TDRD1: variants seen among roughly 807,000 people sequenced by gnomAD.
TDRD1 encodes the protein tudor domain containing 1, also known as tudor domain-containing protein 1.
A neutral mutation model predicts 140.6 loss-of-function variants in TDRD1; 37 were observed. The observed-to-expected ratio is 0.26, with a 90% CI of 0.20 to 0.35. The LOEUF (loss-of-function observed/expected upper bound fraction) is 0.35. Ranked by LOEUF, TDRD1 falls within the 10% of genes least tolerant of loss-of-function variation. The probability of loss-of-function intolerance (pLI) is 1.00; values close to 1 mark genes in which losing one functional copy is unlikely to be tolerated. For missense variants in TDRD1, 1,243 were observed against 1,393.0 expected (o/e 0.89, Z 1.71); for synonymous variants, 506 against 475.7 (o/e 1.06, Z -0.83).
chr10:114,178,905 T>C (rs1475962405), upstream of TDRD1, among the ~76,000 whole-genome samples: 2 of 151,792 alleles, frequency 1.3e-5, no homozygotes, highest in Non-Finnish European at 2.9e-5. Flanking sequence ...AGCTTGTCTT[T>C]AAGTAACACC....
At chr10:114,223,569 GCA>G (rs2036271180) in intron 21 of TDRD1, among the ~76,000 whole-genome samples, 1 of 152,174 alleles carries the variant, frequency 6.6e-6, no homozygotes, top group Admixed American at 6.5e-5. Context: ...TGCAGATATT[GCA>G]CACTAGTTTT....
intron 22 of TDRD1, 85 bp downstream of exon 22, chr10:114,226,301 A>T (rs2036433188): frequency 1.1e-6 from 1 of 912,254 alleles, no homozygotes; most frequent in Non-Finnish European, 1.7e-6. Context: ...GTCGGAATCA[A>T]ATGGGTATTT....
In TDRD1 at chr10:114,228,043, A is replaced by T. The variant is rs189188880; in HGVS notation, c.3456A>T (p.Glu1152Asp). 1.5e-4 allele frequency: 241 copies of T among 1,610,256 alleles called. 1 individual carries two copies. In the Admixed American group the frequency reaches 3.8e-3, roughly 26 times the overall value. ...GGTTTCTTTTTCACCCACAGGTTGA[A>T]AAACATGAACATATTCTTCTCTTCC... Residue 1152 changes from glutamate (E) to aspartate (D), a missense_variant, in exon 25 of 26, where the codon GAA becomes GAT. Physicochemically the swap from Glu to Asp is conservative, Grantham distance 45. Coordinates refer to ENST00000251864, the Ensembl canonical transcript of TDRD1.
At chr10:114,215,781 A>G (rs1204276974) in intron 16 of TDRD1, among the ~76,000 whole-genome samples, 1 of 152,192 alleles carries the variant, frequency 6.6e-6, no homozygotes, top group Non-Finnish European at 1.5e-5. Context: ...TAATATAAAA[A>G]TTCTAAAGAT....
At chr10:114,193,174 A>AT (rs1047708500) in intron 3 of TDRD1, among the ~76,000 whole-genome samples, 3 of 149,802 alleles carry the variant, frequency 2.0e-5, no homozygotes, top group African/African-American at 7.4e-5. Context: ...TAAGTATTTG[A>AT]TTTTTTTGAG....
Position 114,218,570 on chromosome 10 carries a change from G to C in TDRD1, c.2480G>C (p.Arg827Pro), listed in dbSNP as rs374288064. 3 of 1,603,370 alleles carry C rather than the reference G, an allele frequency of 1.9e-6. No individual in the cohort carries two copies. In the African/African-American group the frequency reaches 4.0e-5, roughly 22 times the overall value. ...TTAAACCTTCCCTTTCAGGGAATAC[G>C]GTGCCAGTTAGCAGGTATGGTATAC... The change falls in exon 18 of 26, where the codon CGG (arginine) becomes CCG (proline). Residue 827 changes from arginine to proline, a missense_variant. This residue lies in a region of TDRD1 where 601 missense variants were observed against 734.7 expected (regional missense o/e 0.82). Transcript: ENST00000251864.
chr10:114,189,434 C>T (rs902503573), intron 2 of TDRD1, among the ~76,000 whole-genome samples: 3 of 152,136 alleles, frequency 2.0e-5, no homozygotes, highest in African/African-American at 7.2e-5. Context: ...CAAAGTGAGC[C>T]CTTTACTTCA....
chr10:114,199,446 T>C (rs1003219853), intron 4 of TDRD1, 129 bp downstream of exon 4: 2 of 1,079,352 alleles, frequency 1.9e-6, no homozygotes, highest in African/African-American at 3.2e-5. Flanking sequence ...CGTCTCAGCC[T>C]CAGCAGCTGT....
chr10:114,201,271 T>C (rs2034722389), intron 4 of TDRD1, 139 bp from the exon 5 acceptor site: 5 of 656,764 alleles, frequency 7.6e-6, no homozygotes, highest in Middle Eastern at 3.5e-4. Context: ...ATTCTCAGAG[T>C]TTAAAAGTAT....
At chr10:114,204,154 G>A in exon 9 of TDRD1, 1 of 1,600,890 alleles carries the variant, frequency 6.2e-7, no homozygotes, top group South Asian at 1.1e-5. Flanking sequence ...TGGAAATGAA[G>A]AAATAATTCC....
intron 15 of TDRD1, 60 bp downstream of exon 15, chr10:114,213,648 A>G (rs1339635246): frequency 2.7e-5 from 40 of 1,473,924 alleles, no homozygotes; most frequent in Non-Finnish European, 3.2e-5. Context: ...CTATAAATAA[A>G]TAGTTTCTTG....
At chr10:114,205,408 A>G (rs2035034765) in intron 10 of TDRD1, among the ~76,000 whole-genome samples, 2 of 152,220 alleles carry the variant, frequency 1.3e-5, no homozygotes, top group African/African-American at 4.8e-5. Context: ...GAGATCTGGC[A>G]TCATGGCTGA....
At chr10:114,194,758 G>GT (rs11427150) in intron 3 of TDRD1, among the ~76,000 whole-genome samples, 30,874 of 132,726 alleles carry the variant, frequency 0.23, 3,673 homozygotes, top group Middle Eastern at 0.29. Flanking sequence ...TTGGTTGTTG[G>GT]TTTTTTTTTT....
intron 21 of TDRD1, among the ~76,000 whole-genome samples, chr10:114,223,017 T>A (rs1394969192): frequency 6.6e-6 from 1 of 152,194 alleles, no homozygotes; most frequent in Non-Finnish European, 1.5e-5. Context: ...TTGCAAAGAA[T>A]TCATAGGGTT....
At chr10:114,184,498 A>G (rs1470228650) in intron 1 of TDRD1, among the ~76,000 whole-genome samples, 1 of 152,214 alleles carries the variant, frequency 6.6e-6, no homozygotes, top group Non-Finnish European at 1.5e-5. Context: ...AAAGGGGTGA[A>G]GGCCTGTGCT....
intron 21 of TDRD1, among the ~76,000 whole-genome samples, chr10:114,225,726 G>A (rs768719225): frequency 2.9e-4 from 44 of 152,014 alleles, no homozygotes; most frequent in Non-Finnish European, 4.6e-4. Context: ...GCATGGTGGT[G>A]TATACCTGTA....
chr10:114,196,833 C>CTTTTT (rs36124319), intron 3 of TDRD1, among the ~76,000 whole-genome samples: 1,908 of 48,350 alleles, frequency 0.039, 522 homozygotes, highest in African/African-American at 0.075. Flanking sequence ...TTCTAGCAGT[C>CTTTTT]TTTTTTTTTT....
chr10:114,213,943 A>T, intron 15 of TDRD1, 34 bp from the exon 16 acceptor site: 1 of 1,612,304 alleles, frequency 6.2e-7, no homozygotes, highest in Admixed American at 1.7e-5. Context: ...TCCCTCCTCC[A>T]CTATGTCCAT....
At position 114,223,576 on chromosome 10, in the gene TDRD1, A is replaced by C. The variant is rs554074528; in HGVS notation, c.3007+873A>C. On this transcript the variant is annotated intron_variant, in intron 21 of 25. Coordinates refer to ENST00000251864, the Ensembl canonical transcript of TDRD1. Reference sequence around the variant, plus strand: ...CATGGTCTTGCAGATATTGCACACTAGTTTTGTTTTTCTTTTGTATGAGAA... The same window carrying C: ...CATGGTCTTGCAGATATTGCACACTCGTTTTGTTTTTCTTTTGTATGAGAA... Among the ~76,000 whole-genome samples the C allele has an allele frequency of 3.9e-5, 6 of 152,264 alleles. No individual in the cohort carries two copies. The East Asian group carries it at 1.2e-3, about 29-fold the overall frequency.
Sources: allele counts gnomAD v4.1 joint callset (sites outside exome capture counted in the v4.1 genomes callset), GRCh38; gene constraint gnomAD v4.1.1; regional missense constraint gnomAD v4.1.1; transcripts MANE v1.5; gene names NCBI Gene and HGNC (gene_info 2026-07-23, HGNC 2026-07-21).